Variants in RBFOX1 observed in about 807,000 individuals in gnomAD.
The protein encoded by RBFOX1 is RNA binding fox-1 homolog 1.
Under a neutral mutation model 57.7 loss-of-function variants are expected in RBFOX1, and 8 were observed. That is an observed-to-expected ratio of 0.14 (90% confidence interval 0.08 to 0.25). The LOEUF (loss-of-function observed/expected upper bound fraction) is 0.25, where lower values mean the gene tolerates loss of function less well. Ranked by LOEUF, RBFOX1 falls within the 10% of genes least tolerant of loss-of-function variation. The pLI, the probability that RBFOX1 is intolerant of heterozygous loss-of-function variation, is 1.00. For missense variants in RBFOX1, 611 were observed against 548.5 expected (o/e 1.11, Z -1.14); for synonymous variants, 326 against 222.4 (o/e 1.47, Z -4.15).
chr16:6,303,423 C>T (rs115456262), intron 1 of RBFOX1, among the ~76,000 whole-genome samples: 1,757 of 151,984 alleles, frequency 0.012, 36 homozygotes, highest in African/African-American at 0.04. Flanking sequence ...AAGTAGGTAG[C>T]AGCTAGCTAG....
intron 5 of RBFOX1, among the ~76,000 whole-genome samples, chr16:7,571,618 C>G (rs1228314355): frequency 6.6e-6 from 1 of 152,094 alleles, no homozygotes; most frequent in Admixed American, 6.6e-5. Flanking sequence ...AAGAAAAATT[C>G]TGCCGCACAG....
chr16:5,519,897 C>G (rs1479362260), intron 2 of RBFOX1, among the ~76,000 whole-genome samples: 1 of 152,084 alleles, frequency 6.6e-6, no homozygotes, highest in Non-Finnish European at 1.5e-5. Flanking sequence ...TTTATTGAGC[C>G]CATACTTGAA....
chr16:5,904,573 C>A (rs1236778001), intron 4 of RBFOX1, among the ~76,000 whole-genome samples: 1 of 151,822 alleles, frequency 6.6e-6, no homozygotes, highest in Non-Finnish European at 1.5e-5. Flanking sequence ...GGTCTCTGTC[C>A]CTATCTTGGG....
chr16:6,500,022 C>T (rs1233062876), intron 2 of RBFOX1, among the ~76,000 whole-genome samples: 1 of 152,098 alleles, frequency 6.6e-6, no homozygotes, highest in Non-Finnish European at 1.5e-5. Flanking sequence ...ACCCTTATCA[C>T]TGAATTAGCA....
chr16:5,310,633 C>A (rs13330979), intron 1 of RBFOX1, among the ~76,000 whole-genome samples: 28,323 of 152,026 alleles, frequency 0.19, 2,725 homozygotes, highest in Non-Finnish European at 0.2. Flanking sequence ...GAATCGATTC[C>A]CAATTTATGA....
intron 3 of RBFOX1, among the ~76,000 whole-genome samples, chr16:6,912,874 C>T (rs150507826): frequency 1.3e-5 from 2 of 152,268 alleles, no homozygotes; most frequent in Non-Finnish European, 2.9e-5. Context: ...CTTGCCTTGA[C>T]CTCCCAAAGT....
intron 2 of RBFOX1, among the ~76,000 whole-genome samples, chr16:6,374,141 G>T (rs1399141386): frequency 2.0e-5 from 3 of 152,188 alleles, no homozygotes; most frequent in Non-Finnish European, 2.9e-5. Flanking sequence ...ACTGAGTGTG[G>T]ACTTGATTCA....
chr16:6,452,039 C>T (rs942522920), intron 2 of RBFOX1, among the ~76,000 whole-genome samples: 1 of 151,450 alleles, frequency 6.6e-6, no homozygotes, highest in African/African-American at 2.4e-5. Flanking sequence ...TGGCTCCTTC[C>T]TTCCATGGCT....
intron 4 of RBFOX1, among the ~76,000 whole-genome samples, chr16:7,432,780 C>G (rs1038055660): frequency 6.6e-6 from 1 of 152,184 alleles, no homozygotes; most frequent in African/African-American, 2.4e-5. Flanking sequence ...TGGAATCTCC[C>G]CCAAGCATTC....
intron 3 of RBFOX1, among the ~76,000 whole-genome samples, chr16:6,732,300 C>T (rs952159927): frequency 2.6e-5 from 4 of 152,180 alleles, no homozygotes; most frequent in Non-Finnish European, 4.4e-5. Context: ...CTCCAGAATT[C>T]ACCGTCTCGG....
chr16:7,038,977 C>G (rs573077069), intron 3 of RBFOX1, among the ~76,000 whole-genome samples: 87 of 152,268 alleles, frequency 5.7e-4, no homozygotes, highest in Admixed American at 4.8e-3. Context: ...TCTCCAGTGA[C>G]TTATAGCCAG....
At chr16:5,701,764 C>A (rs575496047) in intron 3 of RBFOX1, among the ~76,000 whole-genome samples, 1 of 152,140 alleles carries the variant, frequency 6.6e-6, no homozygotes, top group Non-Finnish European at 1.5e-5. Flanking sequence ...ACCATCTTAC[C>A]AGAGGCATTT....
intron 4 of RBFOX1, among the ~76,000 whole-genome samples, chr16:5,899,550 C>G (rs950734356): frequency 6.6e-6 from 1 of 152,154 alleles, no homozygotes; most frequent in African/African-American, 2.4e-5. Context: ...ACGGGTTTCA[C>G]AGAGCAAACT....
chr16:6,810,162 G>A (rs1028308689), intron 3 of RBFOX1, among the ~76,000 whole-genome samples: 1 of 152,000 alleles, frequency 6.6e-6, no homozygotes, highest in Non-Finnish European at 1.5e-5. Context: ...AGGGATTACG[G>A]ATCACTCTCA....
chr16:7,262,711 G>C (rs746258987), intron 4 of RBFOX1, among the ~76,000 whole-genome samples: 3 of 152,250 alleles, frequency 2.0e-5, no homozygotes, highest in Non-Finnish European at 4.4e-5. Context: ...AGGTGTCTTG[G>C]TTATCACCAA....
rs117030091 is a variant in RBFOX1, at chr16:6,870,766, A to G, written c.-15-181291A>G. 5.2e-3 allele frequency among the ~76,000 whole-genome samples: 789 copies of G among 152,304 alleles called. 6 individuals carry two copies. The highest frequency in any genetic ancestry group is 7.8e-3 in the Non-Finnish European group (528 of 68,032). On this transcript the variant is annotated intron_variant, in intron 3 of 15. Transcript: ENST00000550418. ...TCCTCCCCACCCCAGCCCCTCAACA[A>G]ACTAAACAACTGTTTCACTACTAGC...
At chr16:6,279,071 G>T (rs67517937) in intron 1 of RBFOX1, among the ~76,000 whole-genome samples, 1 of 151,888 alleles carries the variant, frequency 6.6e-6, no homozygotes, top group South Asian at 2.1e-4. Context: ...TTGCAGGTGG[G>T]GGGAAATTGA....
chr16:5,887,353 C>T (rs1485367668), intron 4 of RBFOX1, among the ~76,000 whole-genome samples: 1 of 152,142 alleles, frequency 6.6e-6, no homozygotes, highest in Non-Finnish European at 1.5e-5. Flanking sequence ...GACCATAGTA[C>T]TGCCTTCAAT....
chr16:6,960,511 G>A (rs1346700248), intron 3 of RBFOX1, among the ~76,000 whole-genome samples: 2 of 152,046 alleles, frequency 1.3e-5, no homozygotes, highest in Non-Finnish European at 2.9e-5. Flanking sequence ...CTGACCCTCA[G>A]TTTGGTCTGG....
Sources: gnomAD v4.1 joint callset for allele counts (sites outside exome capture counted in the v4.1 genomes callset) on GRCh38, gnomAD v4.1.1 for gene constraint, MANE v1.5 for transcripts, NCBI Gene and HGNC (gene_info 2026-07-23, HGNC 2026-07-21) for gene names.